Variants in MAPK10 observed in about 807,000 individuals in gnomAD.
MAPK10 encodes the protein JNK3 alpha protein kinase.
Under a neutral mutation model 59.3 loss-of-function variants are expected in MAPK10, and 25 were observed. The ratio of observed to expected loss-of-function variants is 0.42; its 90% confidence interval spans 0.31 to 0.59. MAPK10 has a LOEUF of 0.59. Among genes scored for constraint, MAPK10 ranks in the 20% least tolerant of loss-of-function variants. The pLI, the probability that MAPK10 is intolerant of heterozygous loss-of-function variation, is 0.15. For missense variants in MAPK10, 351 were observed against 568.9 expected (o/e 0.62, Z 3.90); for synonymous variants, 190 against 200.5 (o/e 0.95, Z 0.44).
intron 1 of MAPK10, among the ~76,000 whole-genome samples, chr4:86,545,488 G>C (rs974785038): frequency 2.6e-5 from 4 of 152,126 alleles, no homozygotes; most frequent in Admixed American, 2.0e-4. Flanking sequence ...AAAGACCTCA[G>C]AAGAATTACT....
At chr4:86,466,627 G>A (rs761515354) in intron 1 of MAPK10, among the ~76,000 whole-genome samples, 15 of 152,172 alleles carry the variant, frequency 9.9e-5, no homozygotes, top group Non-Finnish European at 1.9e-4. Context: ...ATAGATTCCA[G>A]ATAGGTCAAA....
chr4:86,467,311 C>T (rs541343058), intron 1 of MAPK10, among the ~76,000 whole-genome samples: 3 of 152,236 alleles, frequency 2.0e-5, no homozygotes, highest in South Asian at 2.1e-4. Flanking sequence ...TTCACAGCAA[C>T]CAGTTAAAAG....
Position 86,397,452 on chromosome 4 carries a change from C to A in MAPK10, c.-121-42808G>T, listed in dbSNP as rs2149014232. Among the ~76,000 whole-genome samples the A allele has an allele frequency of 3.3e-5, 5 of 152,162 alleles. No homozygotes were observed. The Middle Eastern group carries it at 0.017, about 518-fold the overall frequency. On this transcript the variant is annotated intron_variant, in intron 1 of 13. Coordinates refer to the MAPK10 transcript ENST00000361569. Reference sequence around the variant, plus strand: ...CAACTACATATTTCATGTAGTATTGCCAAGGGATAGAGAGTACTTTAAGAC... The same window carrying A: ...CAACTACATATTTCATGTAGTATTGACAAGGGATAGAGAGTACTTTAAGAC...
intron 4 of MAPK10, among the ~76,000 whole-genome samples, chr4:86,134,457 TAA>T (rs1404995144): frequency 6.6e-6 from 1 of 152,192 alleles, no homozygotes; most frequent in Non-Finnish European, 1.5e-5. Context: ...AAAACTGCAT[TAA>T]AGTCTCCACC....
intron 1 of MAPK10, among the ~76,000 whole-genome samples, chr4:86,385,723 C>T (rs1405950216): frequency 6.6e-6 from 1 of 151,992 alleles, no homozygotes; most frequent in Non-Finnish European, 1.5e-5. Flanking sequence ...CAAAAGATTC[C>T]CTGTAGATGC....
chr4:86,539,663 GA>G (rs2149094542), intron 1 of MAPK10, among the ~76,000 whole-genome samples: 1 of 152,312 alleles, frequency 6.6e-6, no homozygotes, highest in Non-Finnish European at 1.5e-5. Context: ...AAGTGTGTAA[GA>G]AGTCTCAAGC....
At chr4:86,176,163 T>C (rs2075643057) in intron 3 of MAPK10, 1 of 152,170 alleles carries the variant, frequency 6.6e-6, no homozygotes, top group African/African-American at 2.4e-5. Flanking sequence ...ACTTAAAATA[T>C]ATTTCAAAAG....
At chr4:86,346,775 G>A (rs1032941849) in intron 2 of MAPK10, among the ~76,000 whole-genome samples, 2 of 149,282 alleles carry the variant, frequency 1.3e-5, no homozygotes, top group East Asian at 3.9e-4. Flanking sequence ...GACCCACACA[G>A]TTTAAACACA....
chr4:86,507,659 T>TAC (rs1755890438), intron 1 of MAPK10, among the ~76,000 whole-genome samples: 2 of 99,734 alleles, frequency 2.0e-5, no homozygotes, highest in East Asian at 3.0e-4. Context: ...TATATATATA[T>TAC]ATATATATAT....
chr4:86,324,949 G>C (rs184505823), intron 2 of MAPK10, among the ~76,000 whole-genome samples: 1 of 152,192 alleles, frequency 6.6e-6, no homozygotes, highest in Non-Finnish European at 1.5e-5. Context: ...GTCTGAACAA[G>C]CTCTCAGACT....
intron 4 of MAPK10, among the ~76,000 whole-genome samples, chr4:86,141,508 C>G (rs553108199): frequency 2.6e-5 from 4 of 152,204 alleles, no homozygotes; most frequent in African/African-American, 9.6e-5. Context: ...CTTATTATAG[C>G]AAAGACTATC....
chr4:86,507,615 GATATATATAT>G (rs767683551), intron 1 of MAPK10, among the ~76,000 whole-genome samples: 502 of 35,552 alleles, frequency 0.014, 8 homozygotes, highest in South Asian at 0.026. Flanking sequence ...ATAAACTGGA[GATATATATAT>G]ATATATATAT....
upstream of MAPK10, among the ~76,000 whole-genome samples, chr4:86,361,711 C>T (rs1737000127): frequency 6.6e-6 from 1 of 151,940 alleles, no homozygotes; most frequent in African/African-American, 2.4e-5. Context: ...CTTATAAGAA[C>T]AGGAAATTCT....
chr4:86,283,038 A>C (rs1431254360), intron 2 of MAPK10, among the ~76,000 whole-genome samples: 1 of 152,172 alleles, frequency 6.6e-6, no homozygotes, highest in Non-Finnish European at 1.5e-5. Flanking sequence ...TCACAGTCTG[A>C]TTTAATGCTT....
chr4:86,357,364 CAG>C (rs1309512799), intron 1 of MAPK10, among the ~76,000 whole-genome samples: 6 of 152,104 alleles, frequency 3.9e-5, no homozygotes, highest in African/African-American at 1.4e-4. Context: ...TCCAAAGAAA[CAG>C]ATTCATTTAC....
intron 2 of MAPK10, chr4:86,326,023 A>T (rs533280740): frequency 6.6e-6 from 1 of 152,300 alleles, no homozygotes; most frequent in Non-Finnish European, 1.5e-5. Flanking sequence ...TATAATAAAG[A>T]TATGTTGTAG....
intron 2 of MAPK10, among the ~76,000 whole-genome samples, chr4:86,221,410 A>G (rs1431361139): frequency 1.3e-5 from 2 of 152,198 alleles, no homozygotes; most frequent in Non-Finnish European, 2.9e-5. Context: ...TTTATAGACA[A>G]TAAAGGAGGC....
intron 9 of MAPK10, among the ~76,000 whole-genome samples, chr4:86,078,367 G>A (rs1173214416): frequency 6.6e-6 from 1 of 152,106 alleles, no homozygotes; most frequent in Non-Finnish European, 1.5e-5. Context: ...TTTGCCCCAT[G>A]TAATTTTCCT....
chr4:86,203,004 T>C (rs17011487), intron 2 of MAPK10, among the ~76,000 whole-genome samples: 12,898 of 151,976 alleles, frequency 0.085, 1,213 homozygotes, highest in African/African-American at 0.23. Context: ...TGGCCCATTG[T>C]ATAGAAACAA....
Sources: allele counts gnomAD v4.1 joint callset (sites outside exome capture counted in the v4.1 genomes callset), GRCh38; gene constraint gnomAD v4.1.1; transcripts MANE v1.5; gene names NCBI Gene and HGNC (gene_info 2026-07-23, HGNC 2026-07-21).